TBC1D9: variants seen among roughly 807,000 people sequenced by gnomAD.
TBC1D9 encodes the protein TBC1 domain family member 9A.
TBC1D9 carries 63 observed loss-of-function variants against 132.0 expected under a neutral mutation model. The ratio of observed to expected loss-of-function variants is 0.48; its 90% CI spans 0.39 to 0.59. TBC1D9 has a LOEUF of 0.59. TBC1D9 is among the 20% of genes least tolerant of loss of function. The pLI is 0.00. For missense variants in TBC1D9, 1,261 were observed against 1,592.7 expected (o/e 0.79, Z 3.54); for synonymous variants, 610 against 609.9 (o/e 1.00, Z 0.00).
intron 15 of TBC1D9, among the ~76,000 whole-genome samples, chr4:140,637,078 G>A (rs555992995): frequency 1.6e-4 from 25 of 152,306 alleles, no homozygotes; most frequent in Non-Finnish European, 2.4e-4. Flanking sequence ...TCAGCTGGGC[G>A]TAGTGGCTCA....
intron 1 of TBC1D9, among the ~76,000 whole-genome samples, chr4:140,750,306 G>C (rs935384572): frequency 9.9e-5 from 15 of 151,518 alleles, no homozygotes; most frequent in Non-Finnish European, 2.2e-4. Context: ...TGTCAAGAAA[G>C]GCAAAGACAA....
rs781252725 is a variant in TBC1D9, at chr4:140,735,570, G to A, written c.130+20346C>T. ...TACTAAAAATCACAAAAAATTAGCC[G>A]GGCATCATGTATGTGTCTGTACTCC... is the stretch of plus-strand genomic sequence containing the variant. On this transcript the variant is annotated intron_variant, in intron 1 of 20. Transcript: ENST00000442267. 7.9e-5 allele frequency among the ~76,000 whole-genome samples: 12 copies of A among 152,032 alleles called. No individual in the cohort carries two copies. The East Asian group carries it at 1.2e-3, about 15-fold the overall frequency.
intron 1 of TBC1D9, among the ~76,000 whole-genome samples, chr4:140,734,048 G>C (rs780121140): frequency 2.0e-5 from 3 of 151,806 alleles, no homozygotes; most frequent in Admixed American, 2.0e-4. Context: ...TGCTATTACC[G>C]AGCTGATGGC....
Position 140,686,388 on chromosome 4 carries a change from C to T in TBC1D9, c.316G>A (p.Glu106Lys). The change falls in exon 3 of 21, where the codon GAA becomes AAA. Residue 106 changes from glutamate (E) to lysine (K), a missense_variant. Physicochemically the swap from Glu to Lys is moderately conservative, Grantham distance 56. This residue lies in a region of TBC1D9 where 550 missense variants were observed against 699.0 expected (regional missense o/e 0.79). Coordinates refer to ENST00000442267, the MANE Select transcript of TBC1D9 (RefSeq NM_015130.3). The part of the protein sequence containing the change: ...QNLLQTLSIF[E>K]NENDITTFVR... Reference sequence around the variant, plus strand: ...AATGTGGTGATATCATTCTCATTTTCAAAGATGGAGAGTGTCTGCAAGAGA... The same window carrying T: ...AATGTGGTGATATCATTCTCATTTTTAAAGATGGAGAGTGTCTGCAAGAGA... 6.2e-7 allele frequency: 1 copy of T among 1,612,004 alleles called. No individual in the cohort carries two copies. Among genetic ancestry groups the T allele is most frequent in the South Asian group, 1.1e-5 (1 of 90,756 alleles).
At chr4:140,739,597 A>T (rs746387121) in intron 1 of TBC1D9, among the ~76,000 whole-genome samples, 67 of 152,252 alleles carry the variant, frequency 4.4e-4, no homozygotes, top group Non-Finnish European at 5.6e-4. Context: ...CCTGAATCAC[A>T]GATTTTCGGC....
chr4:140,683,573 T>C (rs1353638492), intron 3 of TBC1D9, among the ~76,000 whole-genome samples: 1 of 152,198 alleles, frequency 6.6e-6, no homozygotes, highest in Non-Finnish European at 1.5e-5. Flanking sequence ...AGATGTTCAA[T>C]ATAAATTTAA....
chr4:140,686,439 C>T lies in TBC1D9; in HGVS notation c.265G>A (p.Glu89Lys). 1 of 1,609,788 alleles carries T rather than the reference C, an allele frequency of 6.2e-7. No homozygotes were observed. Among genetic ancestry groups the T allele is most frequent in the Non-Finnish European group, 8.5e-7 (1 of 1,177,318 alleles). ...ACGGSRKEIT[E>K]HWEWLEQNLL... is the part of the protein sequence containing the mutation. ...TTTTGCTCAAGCCATTCCCAGTGTT[C>T]AGTGATTTCTTTCCTGGAACCACCT... Residue 89 changes from glutamate to lysine, a missense_variant, in exon 3 of 21, where the codon GAA becomes AAA. Physicochemically the swap from Glu to Lys is moderately conservative, Grantham distance 56. Coordinates refer to ENST00000442267, the MANE Select transcript of TBC1D9 (RefSeq NM_015130.3).
At chr4:140,748,277 GGAGATAGTTATTAACTTGGAACA>G (rs1275987533) in intron 1 of TBC1D9, among the ~76,000 whole-genome samples, 2 of 152,140 alleles carry the variant, frequency 1.3e-5, no homozygotes, top group Non-Finnish European at 2.9e-5. Flanking sequence ...ATATAGTTAA[GGAGATAGTTATTAACTTGGAACA>G]GAGATCAGAA....
chr4:140,645,406 C>T (rs1038793209), intron 13 of TBC1D9: 36 of 456,320 alleles, frequency 7.9e-5, no homozygotes, highest in East Asian at 6.8e-4. Context: ...CCAGAGCCCG[C>T]GCATCCAAAT....
chr4:140,702,746 C>T (rs982664096), intron 1 of TBC1D9, among the ~76,000 whole-genome samples: 2 of 152,128 alleles, frequency 1.3e-5, no homozygotes, highest in Admixed American at 6.6e-5. Flanking sequence ...TACACACATA[C>T]GTTCTCCAAG....
rs879795021 is a variant in TBC1D9, at chr4:140,638,509, GA to G, written c.2505+576del. Among the ~76,000 whole-genome samples, 572 of 131,156 alleles carry G rather than the reference GA, an allele frequency of 4.4e-3. 2 individuals carry two copies. Among genetic ancestry groups the G allele is most frequent in the Non-Finnish European group, 7.4e-3 (446 of 60,260 alleles). The allele number at this position is 131,156 out of a possible 152,430, so 86.0% of individuals were successfully genotyped here. A position where few individuals can be genotyped will look rare whatever the true frequency, so the allele number is the denominator to read the frequency against. On this transcript the variant is annotated intron_variant, in intron 15 of 20. Coordinates refer to ENST00000442267, the MANE Select transcript of TBC1D9 (RefSeq NM_015130.3). ...AAACCCCATCTCTACTAAAAAAAAA[GA>G]AAAAAAAAAAGAAAAAAGAAAAATA...
At chr4:140,660,079 T>G (rs1392456339) in intron 10 of TBC1D9, among the ~76,000 whole-genome samples, 1 of 152,190 alleles carries the variant, frequency 6.6e-6, no homozygotes, top group East Asian at 1.9e-4. Flanking sequence ...TCTTAATCCT[T>G]AATTCAGTGA....
chr4:140,709,148 A>G (rs747022358), intron 1 of TBC1D9, among the ~76,000 whole-genome samples: 1 of 151,228 alleles, frequency 6.6e-6, no homozygotes, highest in East Asian at 1.9e-4. Flanking sequence ...TCATAACCCC[A>G]TTCTAGCTGC....
chr4:140,747,289 T>C (rs1738851522), intron 1 of TBC1D9, among the ~76,000 whole-genome samples: 1 of 151,886 alleles, frequency 6.6e-6, no homozygotes, highest in Non-Finnish European at 1.5e-5. Context: ...GAGGTGGAGA[T>C]TGCAGTGAGC....
chr4:140,718,396 T>C (rs1427865128), intron 1 of TBC1D9, among the ~76,000 whole-genome samples: 2 of 152,160 alleles, frequency 1.3e-5, no homozygotes, highest in Non-Finnish European at 2.9e-5. Context: ...CTGGTCTTCA[T>C]TACTCTCTCC....
chr4:140,677,181 G>C, intron 5 of TBC1D9, 80 bp from the exon 6 acceptor site: 1 of 1,538,146 alleles, frequency 6.5e-7, no homozygotes. Context: ...AGTTCCCCCA[G>C]CCCATTTTCC....
chr4:140,739,186 T>C (rs183227971), intron 1 of TBC1D9, among the ~76,000 whole-genome samples: 2 of 152,082 alleles, frequency 1.3e-5, no homozygotes, highest in African/African-American at 4.8e-5. Context: ...AGACGGAGTA[T>C]CTCCAAGTTG....
chr4:140,679,496 T>A (rs1476551352), intron 4 of TBC1D9, 119 bp downstream of exon 4: 2 of 764,252 alleles, frequency 2.6e-6, no homozygotes, highest in Non-Finnish European at 4.1e-6. Flanking sequence ...TAAAAAAAAA[T>A]TAGTATTGAC....
chr4:140,649,745 G>A (rs561814690), intron 13 of TBC1D9, among the ~76,000 whole-genome samples: 1 of 152,288 alleles, frequency 6.6e-6, no homozygotes, highest in East Asian at 1.9e-4. Context: ...GAGGGGGGCA[G>A]AGGAGGCAGG....
Sources: allele counts gnomAD v4.1 joint callset (sites outside exome capture counted in the v4.1 genomes callset), GRCh38; gene constraint gnomAD v4.1.1; regional missense constraint gnomAD v4.1.1; transcripts MANE v1.5; gene names NCBI Gene and HGNC (gene_info 2026-07-23, HGNC 2026-07-21).